PREP: variants seen among roughly 807,000 people sequenced by gnomAD.
PREP encodes the protein dJ355L5.1 (prolyl endopeptidase).
A neutral mutation model predicts 87.6 loss-of-function variants in PREP; 29 were observed. The ratio of observed to expected loss-of-function variants is 0.33; its 90% confidence interval spans 0.25 to 0.45. The LOEUF is 0.45. Among genes scored for constraint, PREP ranks in the 20% least tolerant of loss-of-function variants. PREP has a pLI of 1.00. For missense variants in PREP, 695 were observed against 886.5 expected (o/e 0.78, Z 2.74); for synonymous variants, 337 against 328.6 (o/e 1.03, Z -0.28).
intron 8 of PREP, among the ~76,000 whole-genome samples, chr6:105,329,659 C>T (rs1041905447): frequency 6.6e-6 from 1 of 152,208 alleles, no homozygotes. Flanking sequence ...AGCCAAATCA[C>T]GGTTCATGTC....
intron 10 of PREP, among the ~76,000 whole-genome samples, chr6:105,296,519 G>A (rs2114622465): frequency 6.6e-6 from 1 of 151,738 alleles, no homozygotes; most frequent in Non-Finnish European, 1.5e-5. Context: ...AAAAATATTT[G>A]TCTATAATTT....
chr6:105,295,060 A>T (rs927022786), intron 10 of PREP, among the ~76,000 whole-genome samples: 1 of 152,144 alleles, frequency 6.6e-6, no homozygotes, highest in Non-Finnish European at 1.5e-5. Context: ...ACTTGATCTC[A>T]GCTGGGCTCT....
At chr6:105,370,512 A>T (rs1031261307) in intron 5 of PREP, among the ~76,000 whole-genome samples, 1 of 152,026 alleles carries the variant, frequency 6.6e-6, no homozygotes, top group Non-Finnish European at 1.5e-5. Context: ...ACATGATCCC[A>T]CAGTCATGCT....
chr6:105,319,223 A>C (rs1359391836), intron 10 of PREP, among the ~76,000 whole-genome samples: 1 of 152,272 alleles, frequency 6.6e-6, no homozygotes, highest in African/African-American at 2.4e-5. Context: ...GAACAACAGT[A>C]AAGATAATAA....
At chr6:105,299,903 T>TC (rs1770495864) in intron 10 of PREP, among the ~76,000 whole-genome samples, 1 of 151,034 alleles carries the variant, frequency 6.6e-6, no homozygotes. Context: ...TTCTCTGCTT[T>TC]TTTTTTTTTT....
chr6:105,346,388 G>T (rs1212244711), intron 7 of PREP, among the ~76,000 whole-genome samples: 1 of 152,196 alleles, frequency 6.6e-6, no homozygotes, highest in Admixed American at 6.5e-5. Flanking sequence ...TTCCTTTTAT[G>T]GTTATGTGTT....
intron 7 of PREP, among the ~76,000 whole-genome samples, chr6:105,345,081 G>C (rs1771761650): frequency 6.6e-6 from 1 of 152,172 alleles, no homozygotes; most frequent in Non-Finnish European, 1.5e-5. Flanking sequence ...AAATTCTTTT[G>C]CTCTCCTGAA....
chr6:105,327,437 T>C (rs75530738), intron 9 of PREP, among the ~76,000 whole-genome samples: 3,357 of 152,272 alleles, frequency 0.022, 126 homozygotes, highest in African/African-American at 0.077. Flanking sequence ...TGCAAGGTGC[T>C]TGGGAAAGTA....
At chr6:105,322,322 A>G (rs1771032501) in intron 10 of PREP, 1 of 919,206 alleles carries the variant, frequency 1.1e-6, no homozygotes, top group Non-Finnish European at 1.3e-6. Context: ...ATTATATTCT[A>G]TTGCCAGATC....
At chr6:105,301,516 A>C (rs1770538876) in intron 10 of PREP, among the ~76,000 whole-genome samples, 1 of 152,230 alleles carries the variant, frequency 6.6e-6, no homozygotes, top group Non-Finnish European at 1.5e-5. Context: ...ACTAAGGTGA[A>C]AAATGCTAGC....
chr6:105,309,006 GGC>G (rs1225981491), intron 10 of PREP, among the ~76,000 whole-genome samples: 2 of 152,136 alleles, frequency 1.3e-5, no homozygotes, highest in African/African-American at 4.8e-5. Flanking sequence ...GGGCAGTCCA[GGC>G]AGAGGGGAGG....
intron 7 of PREP, among the ~76,000 whole-genome samples, chr6:105,348,781 A>G (rs1771866861): frequency 6.6e-6 from 1 of 151,948 alleles, no homozygotes; most frequent in African/African-American, 2.4e-5. Flanking sequence ...TGGGAGGCTG[A>G]GAAAGGAGAA....
chr6:105,326,449 G>A (rs1264797064), intron 9 of PREP, among the ~76,000 whole-genome samples: 1 of 152,158 alleles, frequency 6.6e-6, no homozygotes, highest in Admixed American at 6.5e-5. Flanking sequence ...CTCAAGATGT[G>A]TTTTCACCAT....
At chr6:105,310,491 T>C (rs1770737586) in intron 10 of PREP, among the ~76,000 whole-genome samples, 1 of 152,150 alleles carries the variant, frequency 6.6e-6, no homozygotes, top group Admixed American at 6.5e-5. Flanking sequence ...CAGTAACTCC[T>C]CTTCCTTCCT....
At chr6:105,329,314 G>C (rs1771258128) in intron 8 of PREP, among the ~76,000 whole-genome samples, 1 of 152,078 alleles carries the variant, frequency 6.6e-6, no homozygotes, top group South Asian at 2.1e-4. Flanking sequence ...CACCATGCCT[G>C]GCTAATTTTT....
intron 6 of PREP, 98 bp downstream of exon 6, chr6:105,368,805 C>A: frequency 1.4e-6 from 2 of 1,397,994 alleles, no homozygotes; most frequent in Admixed American, 2.0e-5. Context: ...ACTCATGGGA[C>A]TTCTGCCATC....
chr6:105,373,286 G>A (rs1772604185), intron 5 of PREP, 83 bp downstream of exon 5: 1 of 1,426,088 alleles, frequency 7.0e-7, no homozygotes, highest in South Asian at 1.2e-5. Context: ...CAACCTCTAT[G>A]TAGGGTTCAG....
chr6:105,294,850 A>G (rs115508788), intron 10 of PREP, among the ~76,000 whole-genome samples: 2,499 of 152,228 alleles, frequency 0.016, 64 homozygotes, highest in African/African-American at 0.058. Flanking sequence ...ACTCTTATGA[A>G]GACGTTCAGT....
intron 7 of PREP, among the ~76,000 whole-genome samples, chr6:105,340,563 G>T (rs962215653): frequency 5.9e-5 from 9 of 152,098 alleles, no homozygotes; most frequent in Non-Finnish European, 1.0e-4. Context: ...AATGTAAATG[G>T]GCTAAATGCT....
Sources: gnomAD v4.1 joint callset for allele counts (sites outside exome capture counted in the v4.1 genomes callset) on GRCh38, gnomAD v4.1.1 for gene constraint, MANE v1.5 for transcripts, NCBI Gene and HGNC (gene_info 2026-07-23, HGNC 2026-07-21) for gene names.